PBX1: variants seen among roughly 807,000 people sequenced by gnomAD.
PBX1 encodes the protein pre-B-cell leukemia transcription factor 1.
Under a neutral mutation model 53.4 loss-of-function variants are expected in PBX1, and 6 were observed. That is an observed-to-expected ratio of 0.11 (90% CI 0.06 to 0.22). The LOEUF is 0.22. Among genes scored for constraint, PBX1 ranks in the 10% least tolerant of loss-of-function variants. The pLI is 1.00. For synonymous variants in PBX1, 204 were observed against 212.3 expected, an observed-to-expected ratio of 0.96 and a Z score of 0.34; for missense variants, 251 against 551.4, an observed-to-expected ratio of 0.46 and a Z score of 5.46.
chr1:164,750,147 T>G (rs984483533), intron 2 of PBX1, among the ~76,000 whole-genome samples: 7 of 97,578 alleles, frequency 7.2e-5, no homozygotes, highest in African/African-American at 2.5e-4. Flanking sequence ...GGCTAGTTGG[T>G]GTGTGTGTGT....
chr1:164,607,501 A>C, intron 2 of PBX1, among the ~76,000 whole-genome samples: 1 of 152,326 alleles, frequency 6.6e-6, no homozygotes, highest in South Asian at 2.1e-4. Context: ...GAGGAAGGTT[A>C]GAAGGAGAGA....
intron 8 of PBX1, among the ~76,000 whole-genome samples, chr1:164,835,355 T>C (rs1410865905): frequency 6.6e-6 from 1 of 152,040 alleles, no homozygotes; most frequent in Non-Finnish European, 1.5e-5. Context: ...ATGGAATTGC[T>C]AGATCAAAGG....
At chr1:164,772,548 G>T (rs151132427) in intron 2 of PBX1, among the ~76,000 whole-genome samples, 2 of 152,208 alleles carry the variant, frequency 1.3e-5, no homozygotes, top group African/African-American at 4.8e-5. Context: ...TTGTCACCAG[G>T]ATCACATATC....
chr1:164,629,862 C>T (rs972115409), intron 2 of PBX1, among the ~76,000 whole-genome samples: 3 of 152,116 alleles, frequency 2.0e-5, no homozygotes, highest in East Asian at 1.9e-4. Context: ...GTAGGAGTTT[C>T]TGTAATCTGT....
chr1:164,738,967 G>A (rs187646624), intron 2 of PBX1, among the ~76,000 whole-genome samples: 215 of 152,168 alleles, frequency 1.4e-3, no homozygotes, highest in Non-Finnish European at 2.5e-3. Flanking sequence ...TTATATTGTA[G>A]ACAGTATTTT....
At chr1:164,854,558 T>C (rs140487508), downstream of PBX1, among the ~76,000 whole-genome samples, 719 of 152,246 alleles carry the variant, frequency 4.7e-3, 4 homozygotes, top group Non-Finnish European at 6.8e-3. Context: ...CTCTCATTCC[T>C]GCATAAAAGC....
chr1:164,881,576 A>AAAGGAAGG (rs1264340485), intron 2 of PBX1, among the ~76,000 whole-genome samples: 1 of 41,478 alleles, frequency 2.4e-5, no homozygotes, highest in African/African-American at 2.4e-4. Flanking sequence ...AGAGAGAGAG[A>AAAGGAAGG]GAGGAAGGAA....
chr1:164,859,725 C>T (rs1380192253), intron 2 of PBX1, among the ~76,000 whole-genome samples: 2 of 152,316 alleles, frequency 1.3e-5, no homozygotes, highest in South Asian at 2.1e-4. Context: ...CAAGCATGTA[C>T]TGGCCACCTC....
At chr1:164,853,373 G>A (rs977500858), downstream of PBX1, among the ~76,000 whole-genome samples, 1 of 152,172 alleles carries the variant, frequency 6.6e-6, no homozygotes, top group Non-Finnish European at 1.5e-5. Flanking sequence ...CACACCTAGT[G>A]ATGGGATAAG....
At chr1:164,772,747 G>A (rs1026553658) in intron 2 of PBX1, among the ~76,000 whole-genome samples, 11 of 152,206 alleles carry the variant, frequency 7.2e-5, no homozygotes, top group African/African-American at 1.2e-4. Flanking sequence ...ATAGTTGGGT[G>A]GCCCCAGAGA....
intron 2 of PBX1, among the ~76,000 whole-genome samples, chr1:164,564,407 G>A (rs57428165): frequency 0.097 from 14,720 of 152,066 alleles, 1,031 homozygotes; most frequent in African/African-American, 0.19. Flanking sequence ...CATAAAAAAT[G>A]GGCGGGGGGA....
chr1:164,582,143 C>G (rs2101743264), intron 2 of PBX1, among the ~76,000 whole-genome samples: 1 of 152,256 alleles, frequency 6.6e-6, no homozygotes, highest in East Asian at 1.9e-4. Context: ...AAAATGGTAT[C>G]CATAAGATCC....
At chr1:164,582,421 T>C (rs1654673829) in intron 2 of PBX1, among the ~76,000 whole-genome samples, 1 of 151,882 alleles carries the variant, frequency 6.6e-6, no homozygotes, top group African/African-American at 2.4e-5. Flanking sequence ...TCTTTCATAA[T>C]TTCTTTTTTT....
At chr1:164,655,106 T>G (rs1660074526) in intron 2 of PBX1, among the ~76,000 whole-genome samples, 1 of 150,476 alleles carries the variant, frequency 6.6e-6, no homozygotes, top group African/African-American at 2.5e-5. Flanking sequence ...GTGTGTTTTT[T>G]TTTTTTTTTT....
intron 4 of PBX1, 136 bp downstream of exon 4, chr1:164,800,025 G>A (rs1571431547): frequency 1.3e-6 from 1 of 747,696 alleles, no homozygotes; most frequent in South Asian, 2.0e-5. Flanking sequence ...GGATGGTTCT[G>A]CGAGACTAGA....
At chr1:164,760,483 C>T (rs1286170614) in intron 2 of PBX1, among the ~76,000 whole-genome samples, 3 of 143,384 alleles carry the variant, frequency 2.1e-5, no homozygotes, top group Non-Finnish European at 4.5e-5. Flanking sequence ...TTCCTTCCTT[C>T]GGATTTTTTA....
At chr1:164,628,408 G>A (rs1422948014) in intron 2 of PBX1, among the ~76,000 whole-genome samples, 2 of 152,196 alleles carry the variant, frequency 1.3e-5, no homozygotes, top group Non-Finnish European at 2.9e-5. Context: ...CTTGATGGCA[G>A]TAGGGAGCAT....
intron 2 of PBX1, among the ~76,000 whole-genome samples, chr1:164,577,929 G>C (rs1654366880): frequency 6.6e-6 from 1 of 152,190 alleles, no homozygotes; most frequent in Non-Finnish European, 1.5e-5. Flanking sequence ...GCTTCTGACT[G>C]TTACAGATGT....
At chr1:164,620,515 C>T (rs1030461432) in intron 2 of PBX1, among the ~76,000 whole-genome samples, 2 of 151,836 alleles carry the variant, frequency 1.3e-5, no homozygotes, top group Non-Finnish European at 1.5e-5. Context: ...TTTTTTGTTC[C>T]ACCTCACCAC....
Sources: allele counts gnomAD v4.1 joint callset (sites outside exome capture counted in the v4.1 genomes callset), GRCh38; gene constraint gnomAD v4.1.1; transcripts MANE v1.5; gene names NCBI Gene and HGNC (gene_info 2026-07-23, HGNC 2026-07-21).